Variants in MOXD1 observed in about 807,000 individuals in gnomAD.
The protein encoded by MOXD1 is monooxygenase DBH like 1.
A neutral mutation model predicts 66.6 loss-of-function variants in MOXD1; 62 were observed. The ratio of observed to expected loss-of-function variants is 0.93; its 90% CI spans 0.76 to 1.15. The LOEUF (loss-of-function observed/expected upper bound fraction) is 1.15, where lower values mean the gene tolerates loss of function less well. MOXD1 is among the 50% of genes most tolerant of loss of function. The pLI is 0.00. For missense variants in MOXD1, 847 were observed against 754.6 expected (o/e 1.12, Z -1.44); for synonymous variants, 303 against 281.9 (o/e 1.07, Z -0.75).
chr6:132,321,206 G>A (rs1775071852), intron 8 of MOXD1, among the ~76,000 whole-genome samples: 1 of 151,880 alleles, frequency 6.6e-6, no homozygotes, highest in East Asian at 1.9e-4. Flanking sequence ...GGAGGTTGCA[G>A]TGAGCCGAGA....
At chr6:132,348,006 T>C (rs915412269) in intron 4 of MOXD1, among the ~76,000 whole-genome samples, 2 of 152,164 alleles carry the variant, frequency 1.3e-5, no homozygotes, top group African/African-American at 4.8e-5. Flanking sequence ...ATGGCTGCAT[T>C]AAATAAACAC....
intron 10 of MOXD1, among the ~76,000 whole-genome samples, chr6:132,299,476 GA>G (rs1474456434): frequency 6.6e-6 from 1 of 151,820 alleles, no homozygotes; most frequent in Non-Finnish European, 1.5e-5. Context: ...ACCCTATATA[GA>G]ATACACTCTG....
At chr6:132,333,364 C>T (rs1582577540) in intron 4 of MOXD1, among the ~76,000 whole-genome samples, 2 of 106,566 alleles carry the variant, frequency 1.9e-5, no homozygotes, top group Non-Finnish European at 3.3e-5. Flanking sequence ...AAATACTGAC[C>T]CTGTAATGTA....
At chr6:132,374,590 T>C (rs1179017793) in intron 2 of MOXD1, 41 bp downstream of exon 2, 2 of 1,589,820 alleles carry the variant, frequency 1.3e-6, no homozygotes, top group Non-Finnish European at 1.7e-6. Context: ...AGTGTAAATA[T>C]ACAATTTGTT....
At chr6:132,348,996 C>T (rs2114620415) in intron 4 of MOXD1, among the ~76,000 whole-genome samples, 1 of 151,220 alleles carries the variant, frequency 6.6e-6, no homozygotes, top group South Asian at 2.1e-4. Context: ...TTTATTTTTC[C>T]AAGGGTTACG....
At chr6:132,345,969 T>A (rs1241082855) in intron 4 of MOXD1, among the ~76,000 whole-genome samples, 4 of 152,140 alleles carry the variant, frequency 2.6e-5, no homozygotes, top group African/African-American at 9.7e-5. Context: ...ATCAAACATT[T>A]TCTGTTTCTC....
chr6:132,307,181 A>G (rs1416776870), intron 10 of MOXD1, among the ~76,000 whole-genome samples: 3 of 152,200 alleles, frequency 2.0e-5, no homozygotes, highest in African/African-American at 4.8e-5. Context: ...AAAATTTACC[A>G]AGCAAATTGA....
At chr6:132,339,254 G>A (rs1317764569) in intron 4 of MOXD1, among the ~76,000 whole-genome samples, 1 of 152,042 alleles carries the variant, frequency 6.6e-6, no homozygotes, top group Non-Finnish European at 1.5e-5. Context: ...ACATTCACTT[G>A]TGTATGTTTA....
At chr6:132,298,945 A>G (rs1436214661) in intron 10 of MOXD1, among the ~76,000 whole-genome samples, 1 of 152,124 alleles carries the variant, frequency 6.6e-6, no homozygotes. Context: ...GAAAATAAAT[A>G]GTTCTACCAA....
intron 4 of MOXD1, among the ~76,000 whole-genome samples, chr6:132,354,731 G>T (rs568919119): frequency 4.6e-5 from 7 of 152,170 alleles, no homozygotes; most frequent in Non-Finnish European, 8.8e-5. Context: ...AGTATATAGC[G>T]TTTGTCTTCA....
chr6:132,342,005 CT>C (rs34326046), intron 4 of MOXD1, among the ~76,000 whole-genome samples: 47,577 of 148,976 alleles, frequency 0.32, 9,602 homozygotes, highest in African/African-American at 0.58. Flanking sequence ...TACAAATCAG[CT>C]TTTTTTTTTT....
At chr6:132,373,369 G>A (rs968717248) in intron 2 of MOXD1, among the ~76,000 whole-genome samples, 1 of 152,158 alleles carries the variant, frequency 6.6e-6, no homozygotes, top group African/African-American at 2.4e-5. Flanking sequence ...TTCAGCAGCA[G>A]AGACTTTGGA....
chr6:132,352,827 T>G (rs1267744221), intron 4 of MOXD1, among the ~76,000 whole-genome samples: 1 of 152,176 alleles, frequency 6.6e-6, no homozygotes. Context: ...GTTACGTGCA[T>G]GTATGTTTAG....
intron 1 of MOXD1, among the ~76,000 whole-genome samples, chr6:132,389,188 G>A (rs1776707896): frequency 6.6e-6 from 1 of 151,184 alleles, no homozygotes; most frequent in East Asian, 1.9e-4. Flanking sequence ...ATAAGCATGA[G>A]CCACTGTGCC....
intron 10 of MOXD1, among the ~76,000 whole-genome samples, chr6:132,308,089 T>C (rs199938457): frequency 5.6e-5 from 7 of 124,888 alleles, no homozygotes; most frequent in Non-Finnish European, 9.5e-5. Flanking sequence ...AGTGGTTTTT[T>C]GAAAAAAAAA....
chr6:132,338,050 C>T (rs916256240), intron 4 of MOXD1, among the ~76,000 whole-genome samples: 1 of 152,070 alleles, frequency 6.6e-6, no homozygotes, highest in Admixed American at 6.6e-5. Context: ...AGTCTATGTA[C>T]AGACTAGATG....
At chr6:132,336,958 T>G (rs1775454836) in intron 4 of MOXD1, among the ~76,000 whole-genome samples, 1 of 152,126 alleles carries the variant, frequency 6.6e-6, no homozygotes, top group Non-Finnish European at 1.5e-5. Context: ...AAGCTGAATA[T>G]GAGCTGTGAG....
At chr6:132,357,999 A>T (rs1775941150) in intron 4 of MOXD1, among the ~76,000 whole-genome samples, 1 of 152,208 alleles carries the variant, frequency 6.6e-6, no homozygotes, top group African/African-American at 2.4e-5. Flanking sequence ...ACAATATTTC[A>T]CATCTATTGT....
chr6:132,341,537 A>G (rs946620904), intron 4 of MOXD1, among the ~76,000 whole-genome samples: 1 of 152,140 alleles, frequency 6.6e-6, no homozygotes, highest in Admixed American at 6.5e-5. Flanking sequence ...ATCATATTCA[A>G]TGGCTCCACA....
Sources: gnomAD v4.1 joint callset for allele counts (sites outside exome capture counted in the v4.1 genomes callset) on GRCh38, gnomAD v4.1.1 for gene constraint, MANE v1.5 for transcripts, NCBI Gene and HGNC (gene_info 2026-07-23, HGNC 2026-07-21) for gene names.